The following PDE4D variants were observed in gnomAD, a reference collection of about 807,000 sequenced individuals.
The protein encoded by PDE4D is 3',5'-cyclic-AMP phosphodiesterase 4D.
In PDE4D, 24 loss-of-function variants were observed where a neutral mutation model predicts 87.4. That is an observed-to-expected ratio of 0.27 (90% confidence interval 0.20 to 0.39). The LOEUF is 0.39. PDE4D is among the 10% of genes least tolerant of loss of function. PDE4D has a pLI of 1.00. For synonymous variants in PDE4D, 384 were observed against 383.2 expected (o/e 1.00, Z -0.02); for missense variants, 714 against 1,041.0 (o/e 0.69, Z 4.32).
intron 1 of PDE4D, among the ~76,000 whole-genome samples, chr5:60,313,778 T>G (rs957457677): frequency 1.1e-4 from 16 of 152,340 alleles, no homozygotes; most frequent in East Asian, 5.8e-4. Context: ...GATACAAAGT[T>G]AGTTCAACAT....
intron 4 of PDE4D, among the ~76,000 whole-genome samples, chr5:59,182,036 A>T (rs1741735119): frequency 6.6e-6 from 1 of 152,042 alleles, no homozygotes; most frequent in Non-Finnish European, 1.5e-5. Context: ...ATTGCTCCTA[A>T]GGTTATTGGT....
intron 1 of PDE4D, among the ~76,000 whole-genome samples, chr5:59,745,408 C>T (rs1274738199): frequency 3.3e-5 from 5 of 152,056 alleles, no homozygotes; most frequent in African/African-American, 9.7e-5. Context: ...AATGGGCCAC[C>T]CTGTATATTC....
At chr5:59,272,027 T>C (rs1182493268) in intron 1 of PDE4D, among the ~76,000 whole-genome samples, 2 of 151,908 alleles carry the variant, frequency 1.3e-5, no homozygotes, top group Admixed American at 1.3e-4. Context: ...TACATAATAA[T>C]ACTTATAATG....
chr5:59,235,306 C>G (rs958404609), intron 1 of PDE4D, among the ~76,000 whole-genome samples: 1 of 152,134 alleles, frequency 6.6e-6, no homozygotes, highest in African/African-American at 2.4e-5. Flanking sequence ...GAATTATTCC[C>G]AAAGGCCTTT....
chr5:59,817,558 C>T (rs774820872), intron 1 of PDE4D, among the ~76,000 whole-genome samples: 8 of 152,192 alleles, frequency 5.3e-5, no homozygotes, highest in Non-Finnish European at 1.2e-4. Flanking sequence ...TTCCTATCAG[C>T]TCATATGTTC....
At chr5:59,693,891 T>C (rs987927919) in intron 1 of PDE4D, among the ~76,000 whole-genome samples, 2 of 152,186 alleles carry the variant, frequency 1.3e-5, no homozygotes, top group African/African-American at 4.8e-5. Flanking sequence ...TCCATTCTAC[T>C]GAATATGTGG....
At position 58,975,750 on chromosome 5, in the gene PDE4D, C is replaced by T. The variant is rs781050259; in HGVS notation, c.1920G>A (p.Glu640=). Residue 640 remains glutamate, a synonymous_variant, in exon 14 of 15, where the codon GAG becomes GAA. Coordinates refer to ENST00000340635, the MANE Select transcript of PDE4D (RefSeq NM_001104631.2). This position sits in a 1 kb window ranked among gnomAD's most constrained non-coding sequence, Gnocchi z 4.2. ...CTCGGTCTCCTTGGCGGAAGAACTC[C>T]TCCATTATCCGGTCCGTCCACTGGC... ...LYRQWTDRIM[E]EFFRQGDRER... is the part of the protein sequence containing the mutation. 1 of 1,613,354 alleles carries T rather than the reference C, an allele frequency of 6.2e-7. No individual in the cohort carries two copies. The highest frequency in any genetic ancestry group is 8.5e-7 in the Non-Finnish European group (1 of 1,179,534).
chr5:59,725,565 C>A (rs1047670467), intron 1 of PDE4D, among the ~76,000 whole-genome samples: 5 of 152,088 alleles, frequency 3.3e-5, no homozygotes, highest in African/African-American at 1.2e-4. Flanking sequence ...ACTCAGCTTG[C>A]AAATACAACT....
intron 1 of PDE4D, among the ~76,000 whole-genome samples, chr5:59,660,673 G>A (rs1580230077): frequency 6.6e-6 from 1 of 152,108 alleles, no homozygotes; most frequent in Admixed American, 6.6e-5. Flanking sequence ...AGGAAAAAAA[G>A]ATGCCAAATT....
intron 1 of PDE4D, among the ~76,000 whole-genome samples, chr5:59,505,572 G>C (rs1292907671): frequency 6.6e-6 from 1 of 152,144 alleles, no homozygotes; most frequent in Admixed American, 6.5e-5. Flanking sequence ...CTACAGCTTA[G>C]AATCTACTAT....
At chr5:60,151,273 G>A (rs984198695) in intron 2 of PDE4D, among the ~76,000 whole-genome samples, 5 of 152,108 alleles carry the variant, frequency 3.3e-5, no homozygotes, top group African/African-American at 9.7e-5. Context: ...GTCTTCCAAA[G>A]TGCTGGGATT....
At chr5:59,614,434 A>G (rs547796209) in intron 1 of PDE4D, among the ~76,000 whole-genome samples, 1 of 152,328 alleles carries the variant, frequency 6.6e-6, no homozygotes, top group Admixed American at 6.5e-5. Context: ...AGTATGAGAA[A>G]AGTGAATTTA....
chr5:60,437,932 C>A (rs1744889589), intron 1 of PDE4D, among the ~76,000 whole-genome samples: 3 of 152,066 alleles, frequency 2.0e-5, no homozygotes. Context: ...CTGACTTTGT[C>A]TTAAGGAAAA....
At chr5:59,802,995 G>C (rs981213134) in intron 1 of PDE4D, among the ~76,000 whole-genome samples, 10 of 152,262 alleles carry the variant, frequency 6.6e-5, no homozygotes, top group Admixed American at 2.6e-4. Context: ...TTGTGGTGTA[G>C]GGCAGAGGAA....
At chr5:59,440,851 C>T (rs910459167) in intron 1 of PDE4D, among the ~76,000 whole-genome samples, 4 of 152,134 alleles carry the variant, frequency 2.6e-5, no homozygotes, top group Admixed American at 1.3e-4. Flanking sequence ...TTCAGTCTTC[C>T]CCTAATGCAT....
chr5:59,202,084 G>A (rs1747584638), intron 2 of PDE4D, among the ~76,000 whole-genome samples: 2 of 119,276 alleles, frequency 1.7e-5, no homozygotes, highest in Non-Finnish European at 3.2e-5. Context: ...TGTCGCCCAG[G>A]CTGGAATGCA....
In PDE4D at chr5:60,147,755, T is replaced by C. The variant is rs1423489829; in HGVS notation, c.42+37802A>G. 1.8e-5 allele frequency: 8 copies of C among 455,992 alleles called. No individual in the cohort carries two copies. The East Asian group carries it at 2.1e-4, about 12-fold the overall frequency. 28.2% of individuals were successfully genotyped at this position (455,992 alleles called of 1,614,324 possible). A position where few individuals can be genotyped will look rare whatever the true frequency, so the allele number is the denominator to read the frequency against. ...ACTTCTCGAGTCACTCACATGGTTG[T>C]TGACTTGTCTCAGTTCCTTGCTGAC... On this transcript the variant is annotated intron_variant, in intron 2 of 16. Coordinates refer to the PDE4D transcript ENST00000502484.
At chr5:59,522,666 C>T (rs1008022783) in intron 1 of PDE4D, among the ~76,000 whole-genome samples, 3 of 152,140 alleles carry the variant, frequency 2.0e-5, no homozygotes, top group African/African-American at 7.2e-5. Flanking sequence ...GGCAAAGAAT[C>T]TTGAGGAGTA....
rs146312936 is a variant in PDE4D, at chr5:59,763,876, C to A, written c.455+129292G>T. On this transcript the variant is annotated intron_variant, in intron 1 of 14. Coordinates refer to ENST00000340635, the MANE Select transcript of PDE4D (RefSeq NM_001104631.2). ...GACCAAAACCAGTGCTCAACACATA[C>A]TAGCTAGTGATAAAACTATTACTAA... Among the ~76,000 whole-genome samples, 334 of 152,290 alleles carry A rather than the reference C, an allele frequency of 2.2e-3. 1 individual carries two copies. The highest frequency in any genetic ancestry group is 4.2e-3 in the Non-Finnish European group (286 of 68,028).
Sources: gnomAD v4.1 joint callset for allele counts (sites outside exome capture counted in the v4.1 genomes callset) on GRCh38, gnomAD v4.1.1 for gene constraint, Gnocchi (gnomAD v3.1) non-coding constraint, MANE v1.5 for transcripts, NCBI Gene and HGNC (gene_info 2026-07-23, HGNC 2026-07-21) for gene names.